DENND1B: variants seen among roughly 807,000 people sequenced by gnomAD.
DENND1B encodes DENN domain-containing protein 1B.
In DENND1B, 59 loss-of-function variants were observed where a neutral mutation model predicts 90.1. That is an observed-to-expected ratio of 0.65 (90% CI 0.53 to 0.81). DENND1B has a LOEUF of 0.81. Ranked by LOEUF, DENND1B falls within the 40% of genes least tolerant of loss-of-function variation. The pLI, the probability that DENND1B is intolerant of heterozygous loss-of-function variation, is 0.00. For synonymous variants in DENND1B, 337 were observed against 324.6 expected, an observed-to-expected ratio of 1.04 and a Z score of -0.41; for missense variants, 862 against 912.6, an observed-to-expected ratio of 0.94 and a Z score of 0.71.
intron 10 of DENND1B, among the ~76,000 whole-genome samples, chr1:197,637,151 G>A (rs1208505608): frequency 6.6e-6 from 1 of 151,822 alleles, no homozygotes; most frequent in Non-Finnish European, 1.5e-5. Flanking sequence ...TTTATTTAAT[G>A]TTGATTACAC....
chr1:197,597,386 TTATA>T (rs1424010071), intron 13 of DENND1B, among the ~76,000 whole-genome samples: 1 of 151,538 alleles, frequency 6.6e-6, no homozygotes, highest in Non-Finnish European at 1.5e-5. Context: ...TAAAGTATTA[TTATA>T]TATAAATAGT....
chr1:197,665,191 A>G (rs879836163), intron 5 of DENND1B, among the ~76,000 whole-genome samples: 22 of 152,248 alleles, frequency 1.4e-4, no homozygotes, highest in Admixed American at 1.4e-3. Flanking sequence ...CTGAAAGGTG[A>G]ACAAAATAAA....
intron 8 of DENND1B, 64 bp from the exon 9 acceptor site, chr1:197,645,807 A>C: frequency 8.7e-7 from 1 of 1,145,084 alleles, no homozygotes; most frequent in Non-Finnish European, 1.2e-6. Context: ...ATAATTTGTA[A>C]TGAAAATCAG....
chr1:197,707,335 G>A (rs1042269602), intron 3 of DENND1B, among the ~76,000 whole-genome samples: 3 of 151,866 alleles, frequency 2.0e-5, no homozygotes, highest in Non-Finnish European at 2.9e-5. Context: ...TAGGAGGAAT[G>A]GTGTTCTAGT....
At chr1:197,518,807 C>G (rs1188919581) in intron 20 of DENND1B, among the ~76,000 whole-genome samples, 1 of 151,800 alleles carries the variant, frequency 6.6e-6, no homozygotes. Context: ...TGACTAAGAA[C>G]AATCTTAGAG....
intron 21 of DENND1B, 90 bp downstream of exon 21, chr1:197,512,781 G>C: frequency 8.6e-7 from 1 of 1,160,062 alleles, no homozygotes; most frequent in Non-Finnish European, 1.2e-6. Context: ...TGAGCTCTAA[G>C]AGTGCATACT....
intron 3 of DENND1B, among the ~76,000 whole-genome samples, chr1:197,680,247 T>C (rs1396560657): frequency 6.6e-6 from 1 of 152,186 alleles, no homozygotes; most frequent in Non-Finnish European, 1.5e-5. Flanking sequence ...TTTCCCTTGA[T>C]GACCATATAA....
At chr1:197,573,904 C>G (rs1412506773) in intron 15 of DENND1B, among the ~76,000 whole-genome samples, 1 of 152,132 alleles carries the variant, frequency 6.6e-6, no homozygotes, top group East Asian at 1.9e-4. Context: ...TTCAACATCC[C>G]TTCATGCTAA....
intron 14 of DENND1B, among the ~76,000 whole-genome samples, chr1:197,591,345 A>G (rs1387619832): frequency 6.6e-6 from 1 of 152,212 alleles, no homozygotes; most frequent in African/African-American, 2.4e-5. Flanking sequence ...TGCATTCAAC[A>G]TATATCTGAT....
chr1:197,515,501 G>A (rs551685822), intron 20 of DENND1B, among the ~76,000 whole-genome samples: 3 of 151,712 alleles, frequency 2.0e-5, no homozygotes, highest in Non-Finnish European at 4.4e-5. Context: ...CTCTGTATAT[G>A]CTTGGCTTTA....
At chr1:197,591,507 C>G (rs1675200101) in intron 14 of DENND1B, among the ~76,000 whole-genome samples, 1 of 152,122 alleles carries the variant, frequency 6.6e-6, no homozygotes, top group South Asian at 2.1e-4. Context: ...ACAATATATT[C>G]AGTCCTGCTG....
chr1:197,702,906 C>A (rs934326659), intron 3 of DENND1B, among the ~76,000 whole-genome samples: 6 of 152,132 alleles, frequency 3.9e-5, no homozygotes, highest in Non-Finnish European at 8.8e-5. Flanking sequence ...AAAGAAACAA[C>A]TGAGTATATA....
chr1:197,661,607 T>G (rs1654415619), intron 5 of DENND1B, among the ~76,000 whole-genome samples: 1 of 152,104 alleles, frequency 6.6e-6, no homozygotes, highest in Non-Finnish European at 1.5e-5. Flanking sequence ...ATGCTTACAT[T>G]GTCATTTTCA....
intron 15 of DENND1B, among the ~76,000 whole-genome samples, chr1:197,581,488 A>G (rs1415990879): frequency 6.6e-6 from 1 of 152,204 alleles, no homozygotes; most frequent in Non-Finnish European, 1.5e-5. Context: ...GCTGAGCATC[A>G]ACAAGGCACC....
At chr1:197,624,785 T>C (rs1278686010) in intron 10 of DENND1B, among the ~76,000 whole-genome samples, 5 of 151,872 alleles carry the variant, frequency 3.3e-5, no homozygotes, top group Non-Finnish European at 7.4e-5. Flanking sequence ...TTTAGACGAA[T>C]GTATAACTAG....
intron 14 of DENND1B, among the ~76,000 whole-genome samples, chr1:197,584,360 TATGTAA>T (rs1335931212): frequency 6.6e-6 from 1 of 152,188 alleles, no homozygotes; most frequent in African/African-American, 2.4e-5. Flanking sequence ...CACATGTAGC[TATGTAA>T]ATGTAAATTT....
intron 16 of DENND1B, 125 bp from the exon 17 acceptor site, chr1:197,546,898 G>C (rs1354467613): frequency 2.8e-6 from 2 of 717,516 alleles, no homozygotes; most frequent in Admixed American, 6.7e-5. Context: ...ATGTTGAAAA[G>C]TAGTTCTAAT....
intron 8 of DENND1B, among the ~76,000 whole-genome samples, chr1:197,646,360 TATTA>T (rs891931372): frequency 2.7e-4 from 41 of 152,122 alleles, no homozygotes; most frequent in Admixed American, 2.4e-3. Flanking sequence ...ATCTGCCAAA[TATTA>T]ATTAGCTTCT....
intron 2 of DENND1B, among the ~76,000 whole-genome samples, chr1:197,727,814 TAA>T (rs898454136): frequency 6.6e-6 from 1 of 152,056 alleles, no homozygotes; most frequent in Non-Finnish European, 1.5e-5. Context: ...TATGTTCCAC[TAA>T]AAAAAGACAC....
Sources: gnomAD v4.1 joint callset for allele counts (sites outside exome capture counted in the v4.1 genomes callset) on GRCh38, gnomAD v4.1.1 for gene constraint, MANE v1.5 for transcripts, NCBI Gene and HGNC (gene_info 2026-07-23, HGNC 2026-07-21) for gene names.